EPB41L1: variants seen among roughly 807,000 people sequenced by gnomAD.
The protein encoded by EPB41L1 is band 4.1-like protein 1.
EPB41L1 carries 29 observed loss-of-function variants against 97.8 expected under a neutral mutation model. The ratio of observed to expected loss-of-function variants is 0.30; its 90% CI spans 0.22 to 0.40. The LOEUF is 0.40. Ranked by LOEUF, EPB41L1 falls within the 10% of genes least tolerant of loss-of-function variation. EPB41L1 has a pLI of 1.00. For synonymous variants in EPB41L1, 383 were observed against 459.2 expected (o/e 0.83, Z 2.12); for missense variants, 812 against 1,162.3 (o/e 0.70, Z 4.38).
chr20:36,204,600 T>A (rs958712089), intron 14 of EPB41L1, among the ~76,000 whole-genome samples: 2 of 148,612 alleles, frequency 1.3e-5, no homozygotes, highest in African/African-American at 2.5e-5. Flanking sequence ...TTCTCCTGCC[T>A]CAGCCTCCCA....
chr20:36,118,162 G>A (rs897778277), intron 2 of EPB41L1, among the ~76,000 whole-genome samples: 1 of 152,128 alleles, frequency 6.6e-6, no homozygotes, highest in Non-Finnish European at 1.5e-5. Flanking sequence ...GGACTAATAC[G>A]ATGGGCCTTT....
chr20:36,127,413 T>G (rs1359986218), intron 2 of EPB41L1, among the ~76,000 whole-genome samples: 1 of 152,134 alleles, frequency 6.6e-6, no homozygotes, highest in Non-Finnish European at 1.5e-5. Context: ...TGCCTACACC[T>G]TCCCTGAGGT....
intron 3 of EPB41L1, among the ~76,000 whole-genome samples, chr20:36,175,989 C>G (rs2061210769): frequency 6.6e-6 from 1 of 152,172 alleles, no homozygotes; most frequent in African/African-American, 2.4e-5. Context: ...AAGGATGCCA[C>G]CATGTAAGGG....
intron 13 of EPB41L1, among the ~76,000 whole-genome samples, chr20:36,196,799 G>C (rs1488392787): frequency 6.6e-6 from 1 of 152,212 alleles, no homozygotes; most frequent in Non-Finnish European, 1.5e-5. Flanking sequence ...AAGCGTCCTT[G>C]GGCTGCCAGC....
chr20:36,187,786 C>T (rs771426216), intron 8 of EPB41L1, 23 bp downstream of exon 8: 1 of 1,608,214 alleles, frequency 6.2e-7, no homozygotes, highest in Admixed American at 1.7e-5. Flanking sequence ...TCCTGGGTTC[C>T]CCTAGTGTCT....
At chr20:36,137,046 G>A (rs1248828685) in intron 2 of EPB41L1, among the ~76,000 whole-genome samples, 1 of 147,140 alleles carries the variant, frequency 6.8e-6, no homozygotes, top group African/African-American at 2.5e-5. Context: ...GCCTGGCTAA[G>A]TTTTTCTTTT....
intron 13 of EPB41L1, among the ~76,000 whole-genome samples, chr20:36,196,991 C>T (rs1322630873): frequency 6.6e-6 from 1 of 152,206 alleles, no homozygotes; most frequent in Middle Eastern, 3.2e-3. Context: ...TTCTTGTGCC[C>T]AGCTGTGGGA....
chr20:36,103,370 G>A (rs1426894775), intron 1 of EPB41L1, among the ~76,000 whole-genome samples: 1 of 152,184 alleles, frequency 6.6e-6, no homozygotes, highest in African/African-American at 2.4e-5. Context: ...TATGGCCCAT[G>A]TCACTGGCAG....
rs150046577 is a variant in EPB41L1, at chr20:36,131,411, G to A, written c.-10+18931G>A. ...AGGTGTGAGCCACCACACCCAGCCT[G>A]TTTTTTATTTCTCTTAGGTCTGAAG... On this transcript the variant is annotated intron_variant, in intron 2 of 19. Transcript: ENST00000202028. 7.9e-3 allele frequency among the ~76,000 whole-genome samples: 1,198 copies of A among 152,026 alleles called. 13 individuals are homozygous for A. The highest frequency in any genetic ancestry group is 0.027 in the African/African-American group (1,137 of 41,392).
At chr20:36,185,020 T>G in intron 6 of EPB41L1, 97 bp from the exon 7 acceptor site, 6 of 1,226,256 alleles carry the variant, frequency 4.9e-6, no homozygotes, top group Non-Finnish European at 7.1e-6. Flanking sequence ...ACTTTTCTGC[T>G]GAGCTATGTT....
rs771326411 is a variant in EPB41L1 at position 36,201,540 on chromosome 20, C to T, written c.1668+3499C>T. On this transcript the variant is annotated intron_variant, in intron 14 of 21. Coordinates refer to ENST00000338074, the MANE Select transcript of EPB41L1 (RefSeq NM_012156.2). The stretch of plus-strand genomic sequence containing the variant: ...TAGGGCACGACATTCCAGGCATCTC[C>T]GGCCTGCGTCTTCTCTGAACTCCCC... Among the ~76,000 whole-genome samples the T allele has an allele frequency of 3.9e-5, 6 of 152,176 alleles. No homozygotes were observed. The South Asian group carries it at 1.0e-3, about 26-fold the overall frequency.
intron 2 of EPB41L1, 57 bp from the exon 3 acceptor site, chr20:36,175,494 T>G (rs2145936076): frequency 6.2e-7 from 1 of 1,605,326 alleles, no homozygotes; most frequent in Non-Finnish European, 8.5e-7. Context: ...CTTACTTATA[T>G]GAAAGGCCAT....
chr20:36,194,436 C>G, intron 12 of EPB41L1, 76 bp downstream of exon 12: 2 of 1,532,140 alleles, frequency 1.3e-6, no homozygotes, highest in Non-Finnish European at 1.8e-6. Context: ...CGGCCTTGAC[C>G]TTCACATGCC....
chr20:36,093,983 G>C lies in EPB41L1; in HGVS notation c.-65+2371G>C, dbSNP rs966197469. Among the ~76,000 whole-genome samples, 1 of 152,126 alleles carries C rather than the reference G, an allele frequency of 6.6e-6. No individual in the cohort carries two copies. Among genetic ancestry groups the C allele is most frequent in the African/African-American group, 2.4e-5 (1 of 41,424 alleles). ...GGAGAACCACTCTCTTAAAGGGCCAGCTCCTCACTCCAGGGAATCCCTCCT... is the reference window on the plus strand; with the variant it reads ...GGAGAACCACTCTCTTAAAGGGCCACCTCCTCACTCCAGGGAATCCCTCCT... On this transcript the variant is annotated intron_variant, in intron 1 of 19. Transcript: ENST00000202028. This position sits in a 1 kb window ranked among gnomAD's most constrained non-coding sequence, Gnocchi z 5.4.
chr20:36,179,654 C>T (rs958922686), intron 5 of EPB41L1, among the ~76,000 whole-genome samples: 5 of 152,246 alleles, frequency 3.3e-5, no homozygotes, highest in African/African-American at 1.2e-4. Context: ...GAGATGCCTC[C>T]ACCCAGGGCC....
intron 1 of EPB41L1, among the ~76,000 whole-genome samples, chr20:36,171,332 G>C (rs2060979057): frequency 6.6e-6 from 1 of 152,002 alleles, no homozygotes; most frequent in Non-Finnish European, 1.5e-5. Context: ...TTGTATCCTG[G>C]CCTGGAGTCA....
chr20:36,114,662 G>T (rs1362497782), intron 2 of EPB41L1, among the ~76,000 whole-genome samples: 1 of 152,154 alleles, frequency 6.6e-6, no homozygotes, highest in African/African-American at 2.4e-5. Flanking sequence ...GAAGAATCAG[G>T]TTGACTCTCT....
intron 1 of EPB41L1, among the ~76,000 whole-genome samples, chr20:36,158,466 C>T (rs2060402207): frequency 6.6e-6 from 1 of 152,160 alleles, no homozygotes; most frequent in Non-Finnish European, 1.5e-5. Context: ...GGGGGAAGGG[C>T]ACCCACTTCC....
At chr20:36,122,160 G>T (rs886770824) in intron 2 of EPB41L1, among the ~76,000 whole-genome samples, 2 of 152,144 alleles carry the variant, frequency 1.3e-5, no homozygotes, top group Non-Finnish European at 2.9e-5. Context: ...ATGGTTGTGG[G>T]GGGAGAAGTG....
Sources: allele counts gnomAD v4.1 joint callset (sites outside exome capture counted in the v4.1 genomes callset), GRCh38; gene constraint gnomAD v4.1.1; non-coding constraint Gnocchi (gnomAD v3.1); transcripts MANE v1.5; gene names NCBI Gene and HGNC (gene_info 2026-07-23, HGNC 2026-07-21).